GRK5: variants seen among roughly 807,000 people sequenced by gnomAD.
GRK5 encodes the protein G protein-coupled receptor kinase 5.
A neutral mutation model predicts 78.4 loss-of-function variants in GRK5; 40 were observed. The observed-to-expected ratio is 0.51, with a 90% CI of 0.40 to 0.66. GRK5 has a LOEUF of 0.66. Among genes scored for constraint, GRK5 ranks in the 30% least tolerant of loss-of-function variants. GRK5 has a pLI of 0.00. For synonymous variants in GRK5, 289 were observed against 296.8 expected (o/e 0.97, Z 0.27); for missense variants, 598 against 759.9 (o/e 0.79, Z 2.50).
chr10:119,394,815 G>A (rs1852014816), intron 3 of GRK5, among the ~76,000 whole-genome samples: 1 of 151,592 alleles, frequency 6.6e-6, no homozygotes, highest in South Asian at 2.1e-4. Context: ...GTGTGTGTGT[G>A]GGTGTGTGTA....
chr10:119,243,920 T>TA (rs1849065491), intron 1 of GRK5, among the ~76,000 whole-genome samples: 1 of 152,230 alleles, frequency 6.6e-6, no homozygotes, highest in African/African-American at 2.4e-5. Context: ...ACAAAAATCA[T>TA]AGTTTATAAA....
chr10:119,220,442 A>G (rs1848639360), intron 1 of GRK5, among the ~76,000 whole-genome samples: 1 of 152,226 alleles, frequency 6.6e-6, no homozygotes. Flanking sequence ...GGTGAGGGCT[A>G]GTCTTCAGGT....
At chr10:119,394,310 GCA>G (rs1408156612) in intron 3 of GRK5, among the ~76,000 whole-genome samples, 2 of 12,126 alleles carry the variant, frequency 1.6e-4, no homozygotes, top group East Asian at 5.1e-3. Context: ...GTCTGTGTGG[GCA>G]CGTGGGTGTG....
At chr10:119,423,032 C>G in intron 4 of GRK5, 134 bp from the exon 5 acceptor site, 1 of 700,074 alleles carries the variant, frequency 1.4e-6, no homozygotes, top group Non-Finnish European at 2.6e-6. Context: ...AGGTCACACA[C>G]TGGGGCACAG....
At chr10:119,269,545 T>C (rs1219412332) in intron 1 of GRK5, among the ~76,000 whole-genome samples, 1 of 151,984 alleles carries the variant, frequency 6.6e-6, no homozygotes, top group South Asian at 2.1e-4. Context: ...AAGACTGATA[T>C]AATGGCCAGG....
chr10:119,423,854 A>G (rs78210885), intron 5 of GRK5, among the ~76,000 whole-genome samples: 15,876 of 152,226 alleles, frequency 0.1, 1,022 homozygotes, highest in Middle Eastern at 0.2. Context: ...CTCCAAAGCC[A>G]GGTTACCCCA....
At chr10:119,209,268 T>G (rs1054506930) in intron 1 of GRK5, among the ~76,000 whole-genome samples, 1 of 152,152 alleles carries the variant, frequency 6.6e-6, no homozygotes, top group Non-Finnish European at 1.5e-5. Context: ...ATTCGTGTCT[T>G]ACTTTCGTCG....
intron 1 of GRK5, among the ~76,000 whole-genome samples, chr10:119,216,989 G>T (rs1848586335): frequency 6.6e-6 from 1 of 152,128 alleles, no homozygotes. Flanking sequence ...CTTGTTCAAG[G>T]TCACTTGAAC....
chr10:119,283,420 G>A (rs1162214116), intron 1 of GRK5, among the ~76,000 whole-genome samples: 1 of 152,186 alleles, frequency 6.6e-6, no homozygotes, highest in African/African-American at 2.4e-5. Flanking sequence ...ACCCCTCCAA[G>A]CCCTGCAAGT....
intron 1 of GRK5, among the ~76,000 whole-genome samples, chr10:119,269,911 C>G (rs1849559121): frequency 1.3e-5 from 2 of 151,520 alleles, no homozygotes; most frequent in African/African-American, 4.9e-5. Context: ...AGGGGGCCAG[C>G]CAGCTCCAAA....
intron 1 of GRK5, among the ~76,000 whole-genome samples, chr10:119,230,657 G>T (rs1489194828): frequency 6.6e-6 from 1 of 151,646 alleles, no homozygotes; most frequent in South Asian, 2.1e-4. Flanking sequence ...CAGCCAAACC[G>T]TATCACCCCA....
At chr10:119,383,585 C>T (rs1851747765) in intron 3 of GRK5, among the ~76,000 whole-genome samples, 1 of 152,246 alleles carries the variant, frequency 6.6e-6, no homozygotes, top group African/African-American at 2.4e-5. Flanking sequence ...CAAACTGGTT[C>T]ACTACCATCC....
chr10:119,374,065 G>A (rs970826368), intron 2 of GRK5, among the ~76,000 whole-genome samples: 2 of 152,162 alleles, frequency 1.3e-5, no homozygotes, highest in Admixed American at 1.3e-4. Flanking sequence ...CCCTATTGAG[G>A]TTGGATGGAA....
intron 4 of GRK5, among the ~76,000 whole-genome samples, chr10:119,407,146 G>A (rs1276775174): frequency 2.0e-5 from 3 of 152,086 alleles, no homozygotes; most frequent in East Asian, 1.9e-4. Context: ...CCTCCCTTCC[G>A]CTTCCCCTTC....
At chr10:119,388,461 C>T (rs1851835261) in intron 3 of GRK5, among the ~76,000 whole-genome samples, 3 of 152,154 alleles carry the variant, frequency 2.0e-5, no homozygotes, top group African/African-American at 7.2e-5. Context: ...CTCAGCCATC[C>T]TAGTAGCTGG....
intron 4 of GRK5, among the ~76,000 whole-genome samples, chr10:119,420,365 A>C (rs1852546912): frequency 1.3e-5 from 2 of 150,676 alleles, no homozygotes; most frequent in South Asian, 4.2e-4. Context: ...AAAAAAAAAA[A>C]CAAGAAGAAA....
At chr10:119,275,327 A>C (rs1252598871) in intron 1 of GRK5, among the ~76,000 whole-genome samples, 1 of 152,186 alleles carries the variant, frequency 6.6e-6, no homozygotes, top group Non-Finnish European at 1.5e-5. Context: ...AGGTCTCCAG[A>C]GAGAGGAACC....
chr10:119,246,288 G>A (rs957617366), intron 1 of GRK5, among the ~76,000 whole-genome samples: 48 of 152,020 alleles, frequency 3.2e-4, no homozygotes, highest in African/African-American at 1.1e-3. Flanking sequence ...CAATGTAAAT[G>A]CTGTGTAATA....
Position 119,445,585 on chromosome 10 carries a change from C to T in GRK5, c.1266+1833C>T, listed in dbSNP as rs974023193. ...AGGACCTGTCCCGTGGGTACAAAAC[C>T]ACTGTCCTCTGGAAGCCTCTGGCCT... On this transcript the variant is annotated intron_variant, in intron 12 of 15. Transcript: ENST00000392870. The surrounding 1 kb of genome is among the most constrained non-coding windows in gnomAD (Gnocchi z 4.1). Among the ~76,000 whole-genome samples, 1 of 152,174 alleles carries T rather than the reference C, an allele frequency of 6.6e-6. No homozygotes were observed. The highest frequency in any genetic ancestry group is 2.4e-5 in the African/African-American group (1 of 41,440).
Sources: allele counts gnomAD v4.1 joint callset (sites outside exome capture counted in the v4.1 genomes callset), GRCh38; gene constraint gnomAD v4.1.1; non-coding constraint Gnocchi (gnomAD v3.1); transcripts MANE v1.5; gene names NCBI Gene and HGNC (gene_info 2026-07-23, HGNC 2026-07-21).